Variants in CACNG2 observed in about 807,000 individuals in gnomAD.
CACNG2 encodes the protein calcium voltage-gated channel auxiliary subunit gamma 2.
In CACNG2, 3 loss-of-function variants were observed where a neutral mutation model predicts 25.9. The ratio of observed to expected loss-of-function variants is 0.12; its 90% confidence interval spans 0.05 to 0.30. The LOEUF is 0.30. Ranked by LOEUF, CACNG2 falls within the 10% of genes least tolerant of loss-of-function variation. CACNG2 has a pLI of 1.00. For synonymous variants in CACNG2, 167 were observed against 173.3 expected (o/e 0.96, Z 0.29); for missense variants, 341 against 432.5 (o/e 0.79, Z 1.88).
chr22:36,654,384 C>A (rs949988118), intron 1 of CACNG2, among the ~76,000 whole-genome samples: 7 of 149,522 alleles, frequency 4.7e-5, no homozygotes, highest in Non-Finnish European at 8.8e-5. Context: ...GGCCACCACG[C>A]CTGGCTAATT....
At position 36,565,582 on chromosome 22, in the gene CACNG2, G is replaced by A. The variant is rs552847600; in HGVS notation, c.437-696C>T. Among the ~76,000 whole-genome samples, 5 of 152,046 alleles carry A rather than the reference G, an allele frequency of 3.3e-5. No homozygotes were observed. In the East Asian group the frequency reaches 5.8e-4, roughly 18 times the overall value. On this transcript the variant is annotated intron_variant, in intron 3 of 3. Coordinates refer to ENST00000300105, the MANE Select transcript of CACNG2 (RefSeq NM_006078.5). Reference sequence around the variant, plus strand: ...CAGTCTCAAACTCCTGGGATCAAGCGATCCTCCCACCTTAGCCTCTCTAGT... The same window carrying A: ...CAGTCTCAAACTCCTGGGATCAAGCAATCCTCCCACCTTAGCCTCTCTAGT...
At position 36,702,819 on chromosome 22, in the gene CACNG2, CTG is replaced by C. The variant is rs1440829279; in HGVS notation, c.-245_-244del. Reference sequence around the variant, plus strand: ...GAGGCTTGCCTTTTGAGATCAGAAACTGTTCCAGTTGCAGTGTTTTTTTTTTA... The same window carrying C: ...GAGGCTTGCCTTTTGAGATCAGAAACTTCCAGTTGCAGTGTTTTTTTTTTA... On this transcript the variant is annotated 5_prime_UTR_variant, in exon 1 of 4. Coordinates refer to ENST00000300105, the MANE Select transcript of CACNG2 (RefSeq NM_006078.5). 3.7e-5 allele frequency: 14 copies of C among 378,426 alleles called. No individual in the cohort carries two copies. The East Asian group carries it at 6.1e-4, about 17-fold the overall frequency. The allele number at this position is 378,426 out of a possible 1,614,324, so 23.4% of individuals were successfully genotyped here.
intron 1 of CACNG2, among the ~76,000 whole-genome samples, chr22:36,679,197 C>CCTTTCTTCCTTTCTTTCTTT (rs1937060598): frequency 3.7e-5 from 2 of 54,786 alleles, no homozygotes; most frequent in African/African-American, 1.4e-4. Context: ...TTCCTTCCTT[C>CCTTTCTTCCTTTCTTTCTTT]CTTTCTTTCT....
chr22:36,567,139 C>T (rs2145905908), intron 2 of CACNG2, among the ~76,000 whole-genome samples: 1 of 152,320 alleles, frequency 6.6e-6, no homozygotes, highest in South Asian at 2.1e-4. Flanking sequence ...CCTCAGTTTC[C>T]TCATCTGTAA....
At position 36,563,183 on chromosome 22, in the gene CACNG2, G is replaced by T. The variant is rs558124074; in HGVS notation, c.*1168C>A. 1.6e-4 allele frequency among the ~76,000 whole-genome samples: 25 copies of T among 152,070 alleles called. No homozygotes were observed. In the South Asian group the frequency reaches 4.1e-3, roughly 25 times the overall value. On this transcript the variant is annotated 3_prime_UTR_variant, in exon 4 of 4. Transcript: ENST00000300105. ...TTTTGTAAAAAGAAGCCTTTTTGCA[G>T]TGTCATTGTTGAACCCGCTGGGCCC...
chr22:36,660,581 C>T (rs1451103853), intron 1 of CACNG2, among the ~76,000 whole-genome samples: 1 of 152,250 alleles, frequency 6.6e-6, no homozygotes, highest in African/African-American at 2.4e-5. Context: ...CACAAAGACG[C>T]TGCTACTTTC....
At chr22:36,682,641 G>C (rs918909660) in intron 1 of CACNG2, among the ~76,000 whole-genome samples, 19 of 152,012 alleles carry the variant, frequency 1.2e-4, no homozygotes, top group African/African-American at 4.6e-4. Context: ...GCATAAACAA[G>C]AATAATAACA....
chr22:36,656,456 A>G (rs1466680734), intron 1 of CACNG2, among the ~76,000 whole-genome samples: 3 of 152,050 alleles, frequency 2.0e-5, no homozygotes, highest in Admixed American at 1.3e-4. Flanking sequence ...GAATCCAACC[A>G]CTTCTCATCA....
At chr22:36,685,322 C>A (rs757868094) in intron 1 of CACNG2, among the ~76,000 whole-genome samples, 1 of 152,152 alleles carries the variant, frequency 6.6e-6, no homozygotes, top group Admixed American at 6.5e-5. Flanking sequence ...CAGCTTCCAT[C>A]TCTCCCGGGG....
chr22:36,593,946 C>T (rs1317950438), intron 1 of CACNG2, among the ~76,000 whole-genome samples: 2 of 152,094 alleles, frequency 1.3e-5, no homozygotes, highest in Non-Finnish European at 2.9e-5. Context: ...CATAGGACAT[C>T]TACGTCAACA....
At chr22:36,634,958 G>A (rs1018049877) in intron 1 of CACNG2, among the ~76,000 whole-genome samples, 7 of 152,182 alleles carry the variant, frequency 4.6e-5, no homozygotes, top group African/African-American at 1.7e-4. Context: ...CCAGATATTG[G>A]AAGAAAGAAG....
At chr22:36,660,302 C>CGG (rs763978572) in intron 1 of CACNG2, among the ~76,000 whole-genome samples, 53 of 152,306 alleles carry the variant, frequency 3.5e-4, no homozygotes, top group Admixed American at 1.1e-3. Context: ...CTACCCTTGC[C>CGG]GGGGGGCAGT....
intron 1 of CACNG2, among the ~76,000 whole-genome samples, chr22:36,675,394 C>G (rs577869939): frequency 8.5e-5 from 13 of 152,268 alleles, no homozygotes; most frequent in African/African-American, 2.9e-4. Flanking sequence ...AATATGAGTG[C>G]TCTCCCCTGT....
chr22:36,626,579 T>C (rs1936186674), intron 1 of CACNG2, among the ~76,000 whole-genome samples: 1 of 152,180 alleles, frequency 6.6e-6, no homozygotes, highest in Non-Finnish European at 1.5e-5. Context: ...GTGAAGACCA[T>C]ATTTATGAGA....
At chr22:36,582,197 G>C (rs561911397) in intron 2 of CACNG2, among the ~76,000 whole-genome samples, 1 of 152,162 alleles carries the variant, frequency 6.6e-6, no homozygotes, top group South Asian at 2.1e-4. Flanking sequence ...GCCAGAGCCT[G>C]TTCAAAAGTG....
At chr22:36,632,611 A>C (rs897672330) in intron 1 of CACNG2, among the ~76,000 whole-genome samples, 7 of 151,630 alleles carry the variant, frequency 4.6e-5, no homozygotes, top group African/African-American at 1.5e-4. Flanking sequence ...TCTGATGGTC[A>C]GTTATCTGTC....
intron 1 of CACNG2, among the ~76,000 whole-genome samples, chr22:36,672,841 G>A (rs534414830): frequency 1.3e-5 from 2 of 152,326 alleles, no homozygotes; most frequent in African/African-American, 4.8e-5. Flanking sequence ...AATGAGAACT[G>A]GAAGCTTCTT....
At chr22:36,628,906 C>G (rs2283997) in intron 1 of CACNG2, among the ~76,000 whole-genome samples, 81,926 of 151,838 alleles carry the variant, frequency 0.54, 23,824 homozygotes, top group Non-Finnish European at 0.64. Flanking sequence ...AAAAGATTTA[C>G]AGGTAAGTCA....
intron 1 of CACNG2, among the ~76,000 whole-genome samples, chr22:36,616,355 T>C (rs2145945492): frequency 6.6e-6 from 1 of 152,370 alleles, no homozygotes; most frequent in South Asian, 2.1e-4. Context: ...GATGCATTTT[T>C]CATGCAGCTG....
Sources: allele counts gnomAD v4.1 joint callset (sites outside exome capture counted in the v4.1 genomes callset), GRCh38; gene constraint gnomAD v4.1.1; transcripts MANE v1.5; gene names NCBI Gene and HGNC (gene_info 2026-07-23, HGNC 2026-07-21).